Variants in PGBD5 observed in about 807,000 individuals in gnomAD.
The protein encoded by PGBD5 is piggyBac transposable element derived 5.
Under a neutral mutation model 47.9 loss-of-function variants are expected in PGBD5, and 14 were observed. That is an observed-to-expected ratio of 0.29 (90% CI 0.19 to 0.46). The LOEUF (loss-of-function observed/expected upper bound fraction) is 0.46. Ranked by LOEUF, PGBD5 falls within the 20% of genes least tolerant of loss-of-function variation. The probability of loss-of-function intolerance (pLI) is 1.00; values close to 1 mark genes in which losing one functional copy is unlikely to be tolerated. For missense variants in PGBD5, 635 were observed against 716.0 expected (o/e 0.89, Z 1.29); for synonymous variants, 316 against 306.3 (o/e 1.03, Z -0.33).
intron 1 of PGBD5, among the ~76,000 whole-genome samples, chr1:230,406,274 C>T (rs1278774686): frequency 7.0e-6 from 1 of 141,908 alleles, no homozygotes; most frequent in Admixed American, 7.4e-5. Flanking sequence ...CGCCACTGCA[C>T]TCCATCCAGC....
At chr1:230,366,027 AAATG>A (rs1282120870) in intron 1 of PGBD5, among the ~76,000 whole-genome samples, 1 of 152,252 alleles carries the variant, frequency 6.6e-6, no homozygotes, top group Non-Finnish European at 1.5e-5. Flanking sequence ...AATGTCAGTC[AAATG>A]AATGAACTCC....
chr1:230,356,981 C>G lies in PGBD5; in HGVS notation c.672G>C (p.Gln224His). The G allele has an allele frequency of 6.2e-7, 1 of 1,614,192 alleles. No individual in the cohort carries two copies. The highest frequency in any genetic ancestry group is 1.3e-5 in the African/African-American group (1 of 75,050). The stretch of plus-strand genomic sequence containing the variant: ...GGACCTTGTAGAGCCCGTGCGTGGT[C>G]TGGCTGGAGCGGAAGGCCACGACGT... ...YFHVVAFRSS[Q>H]TTHGLYKVQP... is the part of the protein sequence containing the mutation. Residue 224 changes from glutamine to histidine, a missense_variant, in exon 2 of 7, where the codon CAG becomes CAC. Physicochemically the swap from Gln to His is conservative, Grantham distance 24. Transcript: ENST00000391860.
chr1:230,337,505 G>A (rs1003804829), intron 3 of PGBD5, among the ~76,000 whole-genome samples: 2 of 152,126 alleles, frequency 1.3e-5, no homozygotes, highest in Non-Finnish European at 2.9e-5. Context: ...GCTTCAGTTT[G>A]GAAAGGTCAA....
intron 5 of PGBD5, among the ~76,000 whole-genome samples, chr1:230,328,341 T>C (rs555625723): frequency 6.6e-6 from 1 of 152,328 alleles, no homozygotes; most frequent in South Asian, 2.1e-4. Flanking sequence ...ACACCAGATC[T>C]GCATCCTCTC....
intron 1 of PGBD5, among the ~76,000 whole-genome samples, chr1:230,421,557 A>G (rs566946560): frequency 2.6e-5 from 4 of 152,272 alleles, no homozygotes; most frequent in East Asian, 1.9e-4. Context: ...TGAGTTTGAT[A>G]ATAATGCATG....
chr1:230,325,521 G>A (rs1667102184), intron 5 of PGBD5, 106 bp from the exon 6 acceptor site: 1 of 754,382 alleles, frequency 1.3e-6, no homozygotes, highest in African/African-American at 1.7e-5. Context: ...ACTTAATAAT[G>A]AGCAGAGGAG....
chr1:230,424,709 G>C (rs963013043), intron 1 of PGBD5, among the ~76,000 whole-genome samples: 1 of 152,234 alleles, frequency 6.6e-6, no homozygotes, highest in African/African-American at 2.4e-5. Context: ...CAGGAGCACG[G>C]GCCTGCTACA....
chr1:230,383,556 G>GAGAT (rs1343644382), intron 1 of PGBD5, among the ~76,000 whole-genome samples: 1 of 152,024 alleles, frequency 6.6e-6, no homozygotes, highest in African/African-American at 2.4e-5. Flanking sequence ...ATTTTTTGTA[G>GAGAT]AGATAGGGTC....
At chr1:230,414,797 C>T (rs926707671) in intron 1 of PGBD5, among the ~76,000 whole-genome samples, 13 of 152,202 alleles carry the variant, frequency 8.5e-5, no homozygotes, top group Admixed American at 7.9e-4. Flanking sequence ...AATGTCATTA[C>T]GTCAGATAAG....
In PGBD5 at chr1:230,315,922, ATGTG is replaced by A. The variant is rs1229695693; in HGVS notation, c.*7499_*7502del. On this transcript the variant is annotated 3_prime_UTR_variant, in exon 7 of 7. Transcript: ENST00000391860. ...TGTACACATATATGTATATGTGTAT[ATGTG>A]TACACATATATGTATGTGTATACAT... 245 of 130,350 alleles carry A rather than the reference ATGTG, an allele frequency of 1.9e-3. 22 individuals are homozygous for A. Among genetic ancestry groups the A allele is most frequent in the African/African-American group, 3.1e-3 (117 of 37,266 alleles). 8.1% of individuals were successfully genotyped at this position (130,350 alleles called of 1,614,324 possible).
chr1:230,395,301 A>T (rs1046103126), intron 1 of PGBD5, among the ~76,000 whole-genome samples: 1 of 15,712 alleles, frequency 6.4e-5, no homozygotes. Context: ...TCTCATTCCC[A>T]CCCTCCTCTC....
At position 230,425,690 on chromosome 1, in the gene PGBD5, G is replaced by C. The variant is rs1001241460; in HGVS notation, c.239C>G (p.Pro80Arg). ...PGAAPPPPRA[P>R]DAQEPEEDEA... is the part of the protein sequence containing the mutation. ...GTCCTCCTCCGGCTCCTGTGCGTCC[G>C]GGGCGCGGGGCGGTGGCGGGGCGGC... is the stretch of plus-strand genomic sequence containing the variant. Residue 80 changes from proline to arginine, a missense_variant, in exon 1 of 7, where the codon CCG becomes CGG. Coordinates refer to ENST00000391860, the MANE Select transcript of PGBD5 (RefSeq NM_001258311.2). This position sits in a 1 kb window ranked among gnomAD's most constrained non-coding sequence, Gnocchi z 4.7. The C allele has an allele frequency of 7.4e-6, 9 of 1,216,458 alleles. No individual in the cohort carries two copies. The highest frequency in any genetic ancestry group is 1.6e-5 in the African/African-American group (1 of 63,706). The allele number at this position is 1,216,458 out of a possible 1,614,324, so 75.4% of individuals were successfully genotyped here. A position where few individuals can be genotyped will look rare whatever the true frequency, so the allele number is the denominator to read the frequency against.
intron 1 of PGBD5, among the ~76,000 whole-genome samples, chr1:230,377,157 A>G (rs907427269): frequency 2.0e-4 from 30 of 152,206 alleles, no homozygotes; most frequent in Non-Finnish European, 3.4e-4. Flanking sequence ...TCCTAAATGC[A>G]TAAGTGTAAG....
At chr1:230,377,383 T>C (rs963892765) in intron 1 of PGBD5, 3 of 1,181,500 alleles carry the variant, frequency 2.5e-6, no homozygotes, top group Admixed American at 4.0e-5. Flanking sequence ...CATCAACACG[T>C]GATAAATCCT....
rs539858358 is a variant in PGBD5 at position 230,367,374 on chromosome 1, C to T, written c.332-10053G>A. On this transcript the variant is annotated intron_variant, in intron 1 of 6. Coordinates refer to ENST00000391860, the MANE Select transcript of PGBD5 (RefSeq NM_001258311.2). ...TGAAAGGCAATGGAGAAAGGGACCACGTCACCAGCCATGTAGGGAGCAATC... is the reference window on the plus strand; with the variant it reads ...TGAAAGGCAATGGAGAAAGGGACCATGTCACCAGCCATGTAGGGAGCAATC... Among the ~76,000 whole-genome samples, 626 of 152,278 alleles carry T rather than the reference C, an allele frequency of 4.1e-3. 4 individuals carry two copies. The highest frequency in any genetic ancestry group is 0.014 in the African/African-American group (594 of 41,554).
At chr1:230,377,573 C>A (rs1668033170) in intron 1 of PGBD5, 3 of 1,603,504 alleles carry the variant, frequency 1.9e-6, no homozygotes, top group Non-Finnish European at 2.6e-6. Context: ...CCTGCAGAGT[C>A]CCCGAGAGTA....
chr1:230,354,222 T>A (rs975270096), intron 2 of PGBD5, among the ~76,000 whole-genome samples: 3 of 152,214 alleles, frequency 2.0e-5, no homozygotes, highest in African/African-American at 7.2e-5. Context: ...GACACGGAGC[T>A]GGTGCAACAG....
intron 1 of PGBD5, among the ~76,000 whole-genome samples, chr1:230,406,085 G>C (rs1273385612): frequency 6.6e-6 from 1 of 152,110 alleles, no homozygotes; most frequent in Non-Finnish European, 1.5e-5. Flanking sequence ...GAGGCAGGTG[G>C]ATCATGAGGT....
chr1:230,410,848 G>A (rs959025135), intron 1 of PGBD5, among the ~76,000 whole-genome samples: 2 of 152,026 alleles, frequency 1.3e-5, no homozygotes, highest in African/African-American at 4.8e-5. Context: ...AAAAGGACAC[G>A]TAAGCCCAAA....
Sources: gnomAD v4.1 joint callset for allele counts (sites outside exome capture counted in the v4.1 genomes callset) on GRCh38, gnomAD v4.1.1 for gene constraint, Gnocchi (gnomAD v3.1) non-coding constraint, MANE v1.5 for transcripts, NCBI Gene and HGNC (gene_info 2026-07-23, HGNC 2026-07-21) for gene names.